Variants in HS2ST1 observed in about 807,000 individuals in gnomAD.
HS2ST1 encodes 2-O-sulfotransferase.
A neutral mutation model predicts 42.9 loss-of-function variants in HS2ST1; 18 were observed. That is an observed-to-expected ratio of 0.42 (90% CI 0.29 to 0.62). The LOEUF is 0.62. HS2ST1 is among the 20% of genes least tolerant of loss of function. The pLI is 0.21. For missense variants in HS2ST1, 334 were observed against 433.8 expected, an observed-to-expected ratio of 0.77 and a Z score of 2.04; for synonymous variants, 146 against 152.9, an observed-to-expected ratio of 0.95 and a Z score of 0.33.
At chr1:87,041,172 C>T (rs1650511188) in intron 1 of HS2ST1, among the ~76,000 whole-genome samples, 1 of 143,784 alleles carries the variant, frequency 7.0e-6, no homozygotes. Context: ...CATTAAATTC[C>T]CAAATAAAAG....
chr1:86,926,786 T>A (rs534718010), intron 1 of HS2ST1, among the ~76,000 whole-genome samples: 1 of 152,326 alleles, frequency 6.6e-6, no homozygotes, highest in East Asian at 1.9e-4. Context: ...GTCTCTTGAT[T>A]TCTTCATAAT....
intron 1 of HS2ST1, among the ~76,000 whole-genome samples, chr1:87,056,097 A>G (rs11161930): frequency 0.74 from 111,966 of 151,946 alleles, 42,769 homozygotes; most frequent in East Asian, 0.97. Context: ...TTTAAGAGGC[A>G]TTTGGATCAT....
At chr1:87,027,017 GTATGT>G (rs1372042546) in intron 1 of HS2ST1, among the ~76,000 whole-genome samples, 1 of 152,116 alleles carries the variant, frequency 6.6e-6, no homozygotes, top group African/African-American at 2.4e-5. Context: ...GCAGACTGTT[GTATGT>G]ATAGAAACAA....
intron 1 of HS2ST1, among the ~76,000 whole-genome samples, chr1:87,054,351 CT>C (rs1650909019): frequency 6.6e-6 from 1 of 152,108 alleles, no homozygotes; most frequent in African/African-American, 2.4e-5. Flanking sequence ...CCATAAGAAT[CT>C]GCTTGGTTAC....
chr1:87,081,452 T>A (rs1211910843), intron 2 of HS2ST1, among the ~76,000 whole-genome samples: 2 of 152,130 alleles, frequency 1.3e-5, no homozygotes, highest in African/African-American at 4.8e-5. Flanking sequence ...AGTGGGTCAA[T>A]AAATTAAGAA....
At chr1:86,964,945 A>G (rs1276818938) in intron 1 of HS2ST1, among the ~76,000 whole-genome samples, 18 of 152,150 alleles carry the variant, frequency 1.2e-4, no homozygotes, top group Admixed American at 1.2e-3. Flanking sequence ...TAGTCATGGT[A>G]GATTTGCACT....
At position 86,914,984 on chromosome 1, in the gene HS2ST1, G is replaced by T; in HGVS notation, c.-53G>T. Reference sequence around the variant, plus strand: ...CCTCCCGGCGTCTCTCTCGCCTCCGGGGTCCCGCTCCCCGCCCCCCGCGGT... The same window carrying T: ...CCTCCCGGCGTCTCTCTCGCCTCCGTGGTCCCGCTCCCCGCCCCCCGCGGT... On this transcript the variant is annotated 5_prime_UTR_variant, in exon 1 of 7. Coordinates refer to ENST00000370550, the MANE Select transcript of HS2ST1 (RefSeq NM_012262.4). 4.3e-6 allele frequency: 7 copies of T among 1,609,856 alleles called. No homozygotes were observed. Among genetic ancestry groups the T allele is most frequent in the Non-Finnish European group, 5.9e-6 (7 of 1,178,998 alleles).
intron 3 of HS2ST1, among the ~76,000 whole-genome samples, chr1:87,085,659 T>A (rs1280755647): frequency 6.6e-6 from 1 of 152,254 alleles, no homozygotes; most frequent in East Asian, 1.9e-4. Flanking sequence ...TAAGCTTCGT[T>A]CATGTGCATA....
chr1:86,993,832 C>CA (rs989161313), intron 1 of HS2ST1, among the ~76,000 whole-genome samples: 29 of 152,054 alleles, frequency 1.9e-4, no homozygotes, highest in Non-Finnish European at 4.1e-4. Context: ...AGTGACAAGA[C>CA]AAAAAAGATT....
chr1:86,963,020 A>G (rs1647896396), intron 1 of HS2ST1, among the ~76,000 whole-genome samples: 2 of 152,138 alleles, frequency 1.3e-5, no homozygotes, highest in South Asian at 2.1e-4. Context: ...GTATTGCTGT[A>G]TTTATTTTTG....
chr1:86,968,492 C>A (rs1648128282), intron 1 of HS2ST1, among the ~76,000 whole-genome samples: 1 of 151,680 alleles, frequency 6.6e-6, no homozygotes, highest in Non-Finnish European at 1.5e-5. Context: ...CACAGTTGAA[C>A]CCTCCAGGCT....
At chr1:86,979,559 G>A (rs1428671030) in intron 1 of HS2ST1, among the ~76,000 whole-genome samples, 1 of 152,158 alleles carries the variant, frequency 6.6e-6, no homozygotes, top group Non-Finnish European at 1.5e-5. Flanking sequence ...TTAAGGCTGA[G>A]TACTATTACA....
chr1:86,938,399 A>G (rs1314093311), intron 1 of HS2ST1, among the ~76,000 whole-genome samples: 1 of 152,148 alleles, frequency 6.6e-6, no homozygotes, highest in Non-Finnish European at 1.5e-5. Flanking sequence ...AATACTTACA[A>G]TGTCAGTACT....
In HS2ST1 at chr1:86,914,667, C is replaced by G. The variant is rs1175724169; in HGVS notation, c.-370C>G. On this transcript the variant is annotated 5_prime_UTR_variant, in exon 1 of 7. Transcript: ENST00000370550. ...CAGCGCCGGTGGAGGGGCGCGCGGC[C>G]GCGAGCAAAGGAGGGAGGGAAGGAA... 1 of 217,984 alleles carries G rather than the reference C, an allele frequency of 4.6e-6. No individual in the cohort carries two copies. The highest frequency in any genetic ancestry group is 2.4e-5 in the African/African-American group (1 of 41,350). The allele number at this position is 217,984 out of a possible 1,614,324, so 13.5% of individuals were successfully genotyped here.
chr1:86,942,962 T>C (rs1297528752), intron 1 of HS2ST1, among the ~76,000 whole-genome samples: 1 of 152,174 alleles, frequency 6.6e-6, no homozygotes, highest in African/African-American at 2.4e-5. Context: ...ACTTTCTGGC[T>C]CTGTCTCCTT....
At chr1:86,922,385 G>T (rs1557480428) in intron 1 of HS2ST1, among the ~76,000 whole-genome samples, 1 of 149,940 alleles carries the variant, frequency 6.7e-6, no homozygotes, top group African/African-American at 2.5e-5. Context: ...TTAAAAATTT[G>T]CTGACATATT....
intron 1 of HS2ST1, among the ~76,000 whole-genome samples, chr1:86,928,311 A>G (rs1660464557): frequency 6.6e-6 from 1 of 152,070 alleles, no homozygotes. Flanking sequence ...GAATTACTGG[A>G]TTAAAATCAA....
At chr1:86,974,408 T>A (rs1648327883) in intron 1 of HS2ST1, among the ~76,000 whole-genome samples, 1 of 152,194 alleles carries the variant, frequency 6.6e-6, no homozygotes, top group Non-Finnish European at 1.5e-5. Flanking sequence ...GCCTTACACA[T>A]CTCTTCCATT....
intron 2 of HS2ST1, among the ~76,000 whole-genome samples, chr1:87,078,259 A>G (rs1471075947): frequency 6.6e-6 from 1 of 152,244 alleles, no homozygotes; most frequent in African/African-American, 2.4e-5. Context: ...TATTAAGAAT[A>G]TAGGTCAAGA....
Sources: allele counts gnomAD v4.1 joint callset (sites outside exome capture counted in the v4.1 genomes callset), GRCh38; gene constraint gnomAD v4.1.1; transcripts MANE v1.5; gene names NCBI Gene and HGNC (gene_info 2026-07-23, HGNC 2026-07-21).